SLC5A4: variants seen among roughly 807,000 people sequenced by gnomAD.
SLC5A4 encodes the protein probable glucose sensor protein SLC5A4.
In SLC5A4, 55 loss-of-function variants were observed where a neutral mutation model predicts 70.3. That is an observed-to-expected ratio of 0.78 (90% CI 0.63 to 0.98). SLC5A4 has a LOEUF of 0.98. Among genes scored for constraint, SLC5A4 ranks in the 50% least tolerant of loss-of-function variants. The pLI is 0.00. For synonymous variants in SLC5A4, 268 were observed against 305.7 expected, an observed-to-expected ratio of 0.88 and a Z score of 1.29; for missense variants, 735 against 839.2, an observed-to-expected ratio of 0.88 and a Z score of 1.53.
At chr22:32,245,151 T>A (rs1926745313) in intron 5 of SLC5A4, among the ~76,000 whole-genome samples, 2 of 152,166 alleles carry the variant, frequency 1.3e-5, no homozygotes, top group African/African-American at 4.8e-5. Flanking sequence ...ATGAAAACTG[T>A]CCTGTCCTAA....
chr22:32,305,680 G>A, the SLC5A4 span, among the ~76,000 whole-genome samples: 88 of 149,762 alleles, frequency 5.9e-4, 10 homozygotes, highest in Middle Eastern at 3.4e-3. Context: ...AGGGACACAC[G>A]GTCCCAGTGT....
Position 32,218,732 on chromosome 22 carries a change from C to G in SLC5A4, c.1769-7G>C. ...CGTGATTTCTCAGGATAATCTGGAACAAAGATAAGCAAATGATTGCAGAAG... is the reference window on the plus strand; with the variant it reads ...CGTGATTTCTCAGGATAATCTGGAAGAAAGATAAGCAAATGATTGCAGAAG... On this transcript the variant is annotated splice_polypyrimidine_tract_variant and splice_region_variant and intron_variant, in intron 14 of 14. Transcript: ENST00000266086. The G allele has an allele frequency of 6.2e-7, 1 of 1,603,266 alleles. No homozygotes were observed. The highest frequency in any genetic ancestry group is 8.5e-7 in the Non-Finnish European group (1 of 1,170,566).
At chr22:32,272,519 A>T in the SLC5A4 span, 1 of 683,566 alleles carries the variant, frequency 1.5e-6, no homozygotes, top group Admixed American at 2.2e-5. Context: ...GGAGGAGAGC[A>T]AGACGCTGAG....
At position 32,228,476 on chromosome 22, in the gene SLC5A4, C is replaced by T. The variant is rs1198767641; in HGVS notation, c.1280+718G>A. Among the ~76,000 whole-genome samples the T allele has an allele frequency of 4.0e-5, 6 of 151,252 alleles. No homozygotes were observed. In the South Asian group the frequency reaches 8.4e-4, roughly 21 times the overall value. On this transcript the variant is annotated intron_variant, in intron 11 of 14. Coordinates refer to ENST00000266086, the MANE Select transcript of SLC5A4 (RefSeq NM_014227.3). ...AGAATCGCTTGAACCCGGGAGGCGGCGGTTCCAGTGAACTGGGAGCATGCC... is the reference window on the plus strand; with the variant it reads ...AGAATCGCTTGAACCCGGGAGGCGGTGGTTCCAGTGAACTGGGAGCATGCC...
In SLC5A4 at chr22:32,247,509, T is replaced by C. The variant is rs551408084; in HGVS notation, c.379A>G (p.Thr127Ala). The change falls in exon 5 of 15, where the codon ACC (threonine) becomes GCC (alanine). Residue 127 changes from threonine (T) to alanine (A), a missense_variant. Thr to Ala is a moderately conservative substitution (Grantham distance 58, BLOSUM62 0). Transcript: ENST00000266086. ...VPIYIKSGVM[T>A]MPEYLKKRFG... Reference sequence around the variant, plus strand: ...CGCTTCTTGAGATATTCCGGCATGGTCATCACCTGCAGAGACAGACATTGA... The same window carrying C: ...CGCTTCTTGAGATATTCCGGCATGGCCATCACCTGCAGAGACAGACATTGA... 270 of 1,610,274 alleles carry C rather than the reference T, an allele frequency of 1.7e-4. 1 individual carries two copies. In the South Asian group the frequency reaches 2.7e-3, roughly 16 times the overall value.
At chr22:32,316,470 A>G in the SLC5A4 span, among the ~76,000 whole-genome samples, 1 of 152,250 alleles carries the variant, frequency 6.6e-6, no homozygotes, top group South Asian at 2.1e-4. Flanking sequence ...TAGCCTCAAT[A>G]TTCATAGAGC....
At chr22:32,316,970 C>T in the SLC5A4 span, among the ~76,000 whole-genome samples, 1 of 114,494 alleles carries the variant, frequency 8.7e-6, no homozygotes, top group African/African-American at 3.6e-5. Context: ...GTGTAAAACA[C>T]AGTCTACCTT....
At chr22:32,317,098 T>C in the SLC5A4 span, among the ~76,000 whole-genome samples, 2 of 151,142 alleles carry the variant, frequency 1.3e-5, no homozygotes, top group Admixed American at 6.6e-5. Context: ...ATACTAGAAT[T>C]TGAAAATACT....
chr22:32,239,593 T>A (rs1461255315), intron 5 of SLC5A4, among the ~76,000 whole-genome samples: 3 of 28,446 alleles, frequency 1.1e-4, no homozygotes, highest in Admixed American at 7.1e-4. Context: ...TATATATATA[T>A]AAATTATATA....
the SLC5A4 span, among the ~76,000 whole-genome samples, chr22:32,267,819 T>C: frequency 5.3e-5 from 8 of 152,344 alleles, 2 homozygotes; most frequent in Admixed American, 5.2e-4. Context: ...TGACATCAAC[T>C]TCCCAAAGAA....
chr22:32,242,020 GAT>G, intron 5 of SLC5A4, among the ~76,000 whole-genome samples: 1 of 151,788 alleles, frequency 6.6e-6, no homozygotes. Flanking sequence ...GTGAACTCAT[GAT>G]TTCTAAACTG....
At chr22:32,263,624 T>C in the SLC5A4 span, among the ~76,000 whole-genome samples, 4 of 152,210 alleles carry the variant, frequency 2.6e-5, no homozygotes, top group South Asian at 6.2e-4. Context: ...GTTCAGTCAT[T>C]GTGGAAGACA....
At chr22:32,329,797 TGTGTGTGTTGGAGGCTCTG>T in the SLC5A4 span, among the ~76,000 whole-genome samples, 1 of 60,902 alleles carries the variant, frequency 1.6e-5, no homozygotes, top group Non-Finnish European at 2.9e-5. Context: ...GAGGCTCTGG[TGTGTGTGTTGGAGGCTCTG>T]GTGTGTGTGT....
intron 13 of SLC5A4, among the ~76,000 whole-genome samples, chr22:32,223,602 T>C (rs771920355): frequency 1.1e-4 from 17 of 152,188 alleles, no homozygotes; most frequent in Non-Finnish European, 1.9e-4. Flanking sequence ...TATGAAATCC[T>C]ATTGACCCAA....
chr22:32,332,839 C>T, the SLC5A4 span, among the ~76,000 whole-genome samples: 1 of 152,298 alleles, frequency 6.6e-6, no homozygotes, highest in Admixed American at 6.5e-5. Context: ...ACATTAAATA[C>T]CACAAAGTGC....
Position 32,241,042 on chromosome 22 carries a change from G to A in SLC5A4, c.478-1952C>T, listed in dbSNP as rs1014245493. On this transcript the variant is annotated intron_variant, in intron 5 of 14. Transcript: ENST00000266086. ...CAAAATTAGATGACAGGGTATTTCC[G>A]TGAGGCCCAAAAGGCAAGACGGCAG... Among the ~76,000 whole-genome samples the A allele has an allele frequency of 3.9e-5, 6 of 152,160 alleles. No homozygotes were observed. In the East Asian group the frequency reaches 7.7e-4, roughly 20 times the overall value.
At chr22:32,305,911 G>A in the SLC5A4 span, among the ~76,000 whole-genome samples, 1 of 148,966 alleles carries the variant, frequency 6.7e-6, no homozygotes, top group Admixed American at 6.8e-5. Context: ...ACTCCTCTCT[G>A]ACCTTGCCCC....
chr22:32,290,994 T>C, the SLC5A4 span, among the ~76,000 whole-genome samples: 1 of 152,158 alleles, frequency 6.6e-6, no homozygotes, highest in Non-Finnish European at 1.5e-5. Context: ...TTGCTGGATG[T>C]GTAGTGGTGT....
At chr22:32,241,827 GTA>G (rs1019755071) in intron 5 of SLC5A4, among the ~76,000 whole-genome samples, 59 of 141,608 alleles carry the variant, frequency 4.2e-4, no homozygotes, top group East Asian at 2.8e-3. Context: ...ATGTGTGTGT[GTA>G]TATATATATC....
Sources: gnomAD v4.1 joint callset for allele counts (sites outside exome capture counted in the v4.1 genomes callset) on GRCh38, gnomAD v4.1.1 for gene constraint, MANE v1.5 for transcripts, NCBI Gene and HGNC (gene_info 2026-07-23, HGNC 2026-07-21) for gene names.